Variants in BRINP3 observed in about 807,000 individuals in gnomAD.
BRINP3 encodes BMP/retinoic acid inducible neural specific 3, also known as BMP/retinoic acid-inducible neural-specific protein 3.
BRINP3 carries 19 observed loss-of-function variants against 71.0 expected under a neutral mutation model. The ratio of observed to expected loss-of-function variants is 0.27; its 90% CI spans 0.19 to 0.39. The LOEUF (loss-of-function observed/expected upper bound fraction) is 0.39, where lower values mean the gene tolerates loss of function less well. Among genes scored for constraint, BRINP3 ranks in the 10% least tolerant of loss-of-function variants. BRINP3 has a pLI of 1.00. For synonymous variants in BRINP3, 380 were observed against 337.7 expected (o/e 1.13, Z -1.37); for missense variants, 959 against 940.8 (o/e 1.02, Z -0.25).
At chr1:190,286,320 T>G (rs1447081530) in intron 2 of BRINP3, among the ~76,000 whole-genome samples, 1 of 152,172 alleles carries the variant, frequency 6.6e-6, no homozygotes, top group Non-Finnish European at 1.5e-5. Flanking sequence ...TCATCAAATT[T>G]CAGTTAAATG....
chr1:190,237,883 T>C (rs1344848817), intron 4 of BRINP3, among the ~76,000 whole-genome samples: 1 of 152,068 alleles, frequency 6.6e-6, no homozygotes, highest in Non-Finnish European at 1.5e-5. Context: ...AATCTAAGAC[T>C]TTCCATCTGA....
chr1:190,118,369 T>C (rs1653326906), intron 7 of BRINP3, among the ~76,000 whole-genome samples: 1 of 152,160 alleles, frequency 6.6e-6, no homozygotes, highest in Non-Finnish European at 1.5e-5. Context: ...TATTGACTTA[T>C]TGACTGGTGC....
chr1:190,331,139 T>C (rs1002530512), intron 2 of BRINP3, among the ~76,000 whole-genome samples: 1 of 152,000 alleles, frequency 6.6e-6, no homozygotes, highest in African/African-American at 2.4e-5. Flanking sequence ...TAGAGAGTCA[T>C]CTCACATTCT....
intron 6 of BRINP3, among the ~76,000 whole-genome samples, chr1:190,219,588 C>A (rs1469699020): frequency 6.6e-6 from 1 of 151,900 alleles, no homozygotes; most frequent in Non-Finnish European, 1.5e-5. Context: ...GCCTGTAATC[C>A]CAGCACTTTG....
At chr1:190,463,777 A>G (rs1429851287) in intron 1 of BRINP3, among the ~76,000 whole-genome samples, 1 of 151,930 alleles carries the variant, frequency 6.6e-6, no homozygotes, top group Non-Finnish European at 1.5e-5. Flanking sequence ...TTTAGATTTC[A>G]GACAACTTCA....
intron 2 of BRINP3, among the ~76,000 whole-genome samples, chr1:190,307,998 C>A (rs1026704984): frequency 7.9e-5 from 12 of 151,998 alleles, no homozygotes; most frequent in African/African-American, 2.9e-4. Flanking sequence ...ATTTGCCTAA[C>A]CCAGATGAAC....
At chr1:190,328,714 C>T (rs1001187653) in intron 2 of BRINP3, among the ~76,000 whole-genome samples, 1 of 102,902 alleles carries the variant, frequency 9.7e-6, no homozygotes, top group African/African-American at 3.8e-5. Flanking sequence ...CTGGCAGAGA[C>T]AATGAAGAAA....
chr1:190,471,860 A>G (rs1434906250), intron 1 of BRINP3, among the ~76,000 whole-genome samples: 1 of 151,522 alleles, frequency 6.6e-6, no homozygotes, highest in Non-Finnish European at 1.5e-5. Context: ...AATATACTAT[A>G]AATAACAACT....
In BRINP3 at chr1:190,209,215, A is replaced by G. The variant is rs1238723160; in HGVS notation, c.961+16867T>C. 1.3e-4 allele frequency among the ~76,000 whole-genome samples: 20 copies of G among 152,126 alleles called. 1 individual carries two copies. The highest frequency in any genetic ancestry group is 1.3e-3 in the Admixed American group (20 of 15,252). On this transcript the variant is annotated intron_variant, in intron 6 of 7. Coordinates refer to ENST00000367462, the MANE Select transcript of BRINP3 (RefSeq NM_199051.3). ...AATTCAGTATAGACTAGTTTTGCCA[A>G]AGTAACAAACACAACCAAAGTGTTT...
chr1:190,165,272 T>C (rs1432166692), intron 6 of BRINP3, among the ~76,000 whole-genome samples: 1 of 152,022 alleles, frequency 6.6e-6, no homozygotes, highest in Non-Finnish European at 1.5e-5. Context: ...CTTATGTTTG[T>C]GAACATAGGA....
chr1:190,367,252 T>C (rs1348367394), intron 2 of BRINP3, among the ~76,000 whole-genome samples: 1 of 152,208 alleles, frequency 6.6e-6, no homozygotes, highest in Non-Finnish European at 1.5e-5. Flanking sequence ...TATTTACTTC[T>C]GTGGACCCAC....
At chr1:190,318,602 G>T (rs1242219027) in intron 2 of BRINP3, among the ~76,000 whole-genome samples, 6 of 151,890 alleles carry the variant, frequency 4.0e-5, no homozygotes, top group African/African-American at 7.3e-5. Context: ...TATTATAATG[G>T]GTCCCTATTT....
chr1:190,277,576 A>G (rs1012131346), intron 3 of BRINP3, among the ~76,000 whole-genome samples: 1 of 151,724 alleles, frequency 6.6e-6, no homozygotes, highest in Non-Finnish European at 1.5e-5. Flanking sequence ...GTTTTGTTGC[A>G]TTATAGTAAA....
At chr1:190,104,298 T>C (rs1374401413) in intron 7 of BRINP3, among the ~76,000 whole-genome samples, 1 of 152,110 alleles carries the variant, frequency 6.6e-6, no homozygotes, top group Non-Finnish European at 1.5e-5. Context: ...CTTTGAATCC[T>C]GTTCATTTAC....
chr1:190,394,740 A>T (rs1190612982), intron 2 of BRINP3, among the ~76,000 whole-genome samples: 1 of 151,606 alleles, frequency 6.6e-6, no homozygotes, highest in East Asian at 1.9e-4. Context: ...CCATTTCTAT[A>T]TAAATTATAA....
chr1:190,179,499 A>G (rs1458209721), intron 6 of BRINP3, among the ~76,000 whole-genome samples: 1 of 152,054 alleles, frequency 6.6e-6, no homozygotes, highest in Non-Finnish European at 1.5e-5. Context: ...AGTTTTGTCA[A>G]CCGAGGTCTT....
intron 2 of BRINP3, among the ~76,000 whole-genome samples, chr1:190,308,893 C>T (rs1665317388): frequency 6.6e-6 from 1 of 151,656 alleles, no homozygotes; most frequent in East Asian, 1.9e-4. Context: ...AGTTTGGGGA[C>T]ATAAAATTAA....
chr1:190,395,487 T>G (rs1671510245), intron 2 of BRINP3, among the ~76,000 whole-genome samples: 1 of 151,804 alleles, frequency 6.6e-6, no homozygotes, highest in African/African-American at 2.4e-5. Flanking sequence ...AACAAACCAT[T>G]GCTTCATCTT....
intron 2 of BRINP3, among the ~76,000 whole-genome samples, chr1:190,286,359 A>T (rs1663425321): frequency 6.6e-6 from 1 of 152,172 alleles, no homozygotes; most frequent in Admixed American, 6.6e-5. Flanking sequence ...CATTGCCATT[A>T]ACCTTTCTTA....
Sources: allele counts gnomAD v4.1 joint callset (sites outside exome capture counted in the v4.1 genomes callset), GRCh38; gene constraint gnomAD v4.1.1; transcripts MANE v1.5; gene names NCBI Gene and HGNC (gene_info 2026-07-23, HGNC 2026-07-21).